Variants in ELAVL4 observed in about 807,000 individuals in gnomAD.
The protein encoded by ELAVL4 is ELAV-like protein 4.
Under a neutral mutation model 35.6 loss-of-function variants are expected in ELAVL4, and 1 was observed. The ratio of observed to expected loss-of-function variants is 0.03; its 90% CI spans 0.01 to 0.13. The LOEUF (loss-of-function observed/expected upper bound fraction) is 0.13, where lower values mean the gene tolerates loss of function less well. Among genes scored for constraint, ELAVL4 ranks in the 10% least tolerant of loss-of-function variants. The pLI is 1.00. For missense variants in ELAVL4, 267 were observed against 464.9 expected, an observed-to-expected ratio of 0.57 and a Z score of 3.91; for synonymous variants, 156 against 171.0, an observed-to-expected ratio of 0.91 and a Z score of 0.69.
At chr1:50,072,644 C>T (rs941910424) in intron 1 of ELAVL4, among the ~76,000 whole-genome samples, 5 of 152,120 alleles carry the variant, frequency 3.3e-5, no homozygotes, top group Admixed American at 1.3e-4. Flanking sequence ...CCTTGAAGGT[C>T]CTTCACATCT....
chr1:50,102,772 A>G (rs900929286), upstream of ELAVL4, among the ~76,000 whole-genome samples: 1 of 152,242 alleles, frequency 6.6e-6, no homozygotes, highest in Non-Finnish European at 1.5e-5. Context: ...AGAGGCCCCA[A>G]ATCCCTTAAT....
intron 1 of ELAVL4, among the ~76,000 whole-genome samples, chr1:50,049,796 C>A (rs748691998): frequency 1.3e-5 from 2 of 152,194 alleles, no homozygotes; most frequent in African/African-American, 4.8e-5. Context: ...TCTAGAAATA[C>A]ATGAGGGATT....
At chr1:50,110,258 C>T (rs1666844852) in intron 1 of ELAVL4, among the ~76,000 whole-genome samples, 1 of 152,158 alleles carries the variant, frequency 6.6e-6, no homozygotes, top group Non-Finnish European at 1.5e-5. Context: ...ATCAATGTCA[C>T]CGTCACTGTT....
intron 1 of ELAVL4, among the ~76,000 whole-genome samples, chr1:50,120,433 T>C (rs1375808461): frequency 1.3e-5 from 2 of 152,028 alleles, no homozygotes; most frequent in Admixed American, 6.6e-5. Context: ...ATATGTTGTG[T>C]AAAGATAAAG....
intron 1 of ELAVL4, among the ~76,000 whole-genome samples, chr1:50,121,756 T>C (rs1669074963): frequency 6.6e-6 from 1 of 152,098 alleles, no homozygotes; most frequent in Admixed American, 6.6e-5. Context: ...TTAGATTTAA[T>C]ATGAAGCATC....
At chr1:50,195,049 T>C (rs1331160584) in intron 4 of ELAVL4, among the ~76,000 whole-genome samples, 1 of 87,220 alleles carries the variant, frequency 1.1e-5, no homozygotes, top group Non-Finnish European at 2.6e-5. Flanking sequence ...CATGGAAGGG[T>C]ATTTTGTAGG....
chr1:50,103,663 T>C (rs1187619377), upstream of ELAVL4, among the ~76,000 whole-genome samples: 1 of 152,136 alleles, frequency 6.6e-6, no homozygotes, highest in African/African-American at 2.4e-5. Flanking sequence ...ATGACGCTAT[T>C]TAAATGGTGT....
At chr1:50,070,539 G>C (rs888093969) in intron 1 of ELAVL4, among the ~76,000 whole-genome samples, 3 of 152,080 alleles carry the variant, frequency 2.0e-5, no homozygotes, top group Admixed American at 2.0e-4. Context: ...TCAGGAGTTC[G>C]AGACCAGCCT....
intron 1 of ELAVL4, among the ~76,000 whole-genome samples, chr1:50,133,355 A>C (rs899285292): frequency 6.6e-6 from 1 of 152,058 alleles, no homozygotes; most frequent in African/African-American, 2.4e-5. Flanking sequence ...GTTGCCCACA[A>C]ATAATTCAAA....
intron 1 of ELAVL4, among the ~76,000 whole-genome samples, chr1:50,086,476 T>TTATATA (rs35215248): frequency 3.0e-3 from 436 of 144,396 alleles, no homozygotes; most frequent in East Asian, 8.5e-3. Context: ...CATTCAGCTT[T>TTATATA]TATATATATA....
At chr1:50,162,389 G>T (rs889604959) in intron 2 of ELAVL4, among the ~76,000 whole-genome samples, 6 of 152,156 alleles carry the variant, frequency 3.9e-5, no homozygotes, top group African/African-American at 1.4e-4. Flanking sequence ...GGTCTATTGA[G>T]AAATACATTC....
At chr1:50,081,406 C>G (rs1380739226) in intron 1 of ELAVL4, among the ~76,000 whole-genome samples, 1 of 152,320 alleles carries the variant, frequency 6.6e-6, no homozygotes, top group Middle Eastern at 3.4e-3. Context: ...TAGATGCACA[C>G]TAGCTTTCAC....
intron 2 of ELAVL4, among the ~76,000 whole-genome samples, chr1:50,159,071 T>A (rs1676279714): frequency 6.6e-6 from 1 of 151,098 alleles, no homozygotes; most frequent in South Asian, 2.1e-4. Flanking sequence ...AGAAATACTC[T>A]GTGGCTTGGT....
At chr1:50,119,041 A>G (rs535100947) in intron 1 of ELAVL4, among the ~76,000 whole-genome samples, 5 of 48,978 alleles carry the variant, frequency 1.0e-4, no homozygotes, top group African/African-American at 4.2e-4. Flanking sequence ...AAAGAAAAAG[A>G]AAGAAAGAAA....
At chr1:50,099,366 G>C (rs1557700933), upstream of ELAVL4, among the ~76,000 whole-genome samples, 1 of 151,978 alleles carries the variant, frequency 6.6e-6, no homozygotes, top group African/African-American at 2.4e-5. Flanking sequence ...TTCAAGACCA[G>C]CCTGACCAAC....
Position 50,170,089 on chromosome 1 carries a change from T to A in ELAVL4, c.251-7000T>A, listed in dbSNP as rs201967153. Among the ~76,000 whole-genome samples, 14 of 152,296 alleles carry A rather than the reference T, an allele frequency of 9.2e-5. No individual in the cohort carries two copies. The East Asian group carries it at 2.5e-3, about 27-fold the overall frequency. On this transcript the variant is annotated intron_variant, in intron 2 of 6. Transcript: ENST00000371824. ...TAAAAGAAAGGCATCAGAAGCAGCCTCTACCTTCAAGAAGGTTGCGGTTTC... is the reference window on the plus strand; with the variant it reads ...TAAAAGAAAGGCATCAGAAGCAGCCACTACCTTCAAGAAGGTTGCGGTTTC...
intron 1 of ELAVL4, among the ~76,000 whole-genome samples, chr1:50,069,152 A>C (rs1440007518): frequency 6.6e-6 from 1 of 152,072 alleles, no homozygotes; most frequent in East Asian, 1.9e-4. Context: ...TCATATTTTA[A>C]TTTCTGTAAC....
chr1:50,094,095 C>T (rs1303326068), intron 1 of ELAVL4, among the ~76,000 whole-genome samples: 1 of 152,146 alleles, frequency 6.6e-6, no homozygotes, highest in East Asian at 1.9e-4. Context: ...ACAGAGCTAC[C>T]TATAGCTTTC....
At chr1:50,180,240 G>C (rs1235073390) in intron 3 of ELAVL4, 1 of 150,900 alleles carries the variant, frequency 6.6e-6, no homozygotes, top group Non-Finnish European at 1.5e-5. Flanking sequence ...ATCCCAAATT[G>C]GAAAATCTGA....
Sources: allele counts gnomAD v4.1 joint callset (sites outside exome capture counted in the v4.1 genomes callset), GRCh38; gene constraint gnomAD v4.1.1; transcripts MANE v1.5; gene names NCBI Gene and HGNC (gene_info 2026-07-23, HGNC 2026-07-21).